Variants in SLC35F1 observed in about 807,000 individuals in gnomAD.
The protein encoded by SLC35F1 is chromosome 6 open reading frame 169.
A neutral mutation model predicts 48.7 loss-of-function variants in SLC35F1; 14 were observed. The observed-to-expected ratio is 0.29, with a 90% CI of 0.19 to 0.45. The LOEUF is 0.45. Among genes scored for constraint, SLC35F1 ranks in the 20% least tolerant of loss-of-function variants. The pLI is 1.00. For missense variants in SLC35F1, 404 were observed against 500.0 expected (o/e 0.81, Z 1.83); for synonymous variants, 190 against 202.2 (o/e 0.94, Z 0.51).
intron 6 of SLC35F1, among the ~76,000 whole-genome samples, chr6:118,281,200 C>CTATATATA (rs756821926): frequency 1.9e-3 from 223 of 119,976 alleles, no homozygotes; most frequent in South Asian, 5.7e-3. Context: ...CTCTCTCTCT[C>CTATATATA]TCTCTATATA....
At chr6:117,948,982 A>G (rs1262494639) in intron 1 of SLC35F1, among the ~76,000 whole-genome samples, 1 of 152,166 alleles carries the variant, frequency 6.6e-6, no homozygotes, top group Admixed American at 6.6e-5. Context: ...GGTGGATAAA[A>G]TCAGAAGGGT....
At position 117,923,729 on chromosome 6, in the gene SLC35F1, A is replaced by ATATGTATATATACACG. The variant is rs1554216736; in HGVS notation, c.173+15831_173+15832insATGTATATATACACGT. 2.2e-3 allele frequency among the ~76,000 whole-genome samples: 202 copies of ATATGTATATATACACG among 89,928 alleles called. 32 individuals are homozygous for ATATGTATATATACACG. The highest frequency in any genetic ancestry group is 5.4e-3 in the African/African-American group (121 of 22,516). The allele number at this position is 89,928 out of a possible 152,430, so 59.0% of individuals were successfully genotyped here. On this transcript the variant is annotated intron_variant, in intron 1 of 7. Coordinates refer to ENST00000360388, the MANE Select transcript of SLC35F1 (RefSeq NM_001029858.4). ...TATGTACATATATACATATATACAT[A>ATATGTATATATACACG]TGTATATATACATATATGTACATAT...
At chr6:118,198,997 C>T (rs1465589543) in intron 2 of SLC35F1, among the ~76,000 whole-genome samples, 1 of 152,154 alleles carries the variant, frequency 6.6e-6, no homozygotes, top group Non-Finnish European at 1.5e-5. Context: ...GCCAGTCCCC[C>T]AAGCCTGGGA....
intron 1 of SLC35F1, among the ~76,000 whole-genome samples, chr6:118,038,802 T>G (rs1253868448): frequency 6.6e-6 from 1 of 151,994 alleles, no homozygotes; most frequent in Non-Finnish European, 1.5e-5. Context: ...TTAATTTTTT[T>G]GTAGATACAA....
intron 7 of SLC35F1, among the ~76,000 whole-genome samples, chr6:118,313,234 CA>C (rs1382208832): frequency 2.6e-5 from 4 of 152,184 alleles, no homozygotes; most frequent in African/African-American, 7.2e-5. Flanking sequence ...ACTCTTTCCC[CA>C]GTAACTACTG....
intron 2 of SLC35F1, among the ~76,000 whole-genome samples, chr6:118,177,329 C>T (rs903351861): frequency 6.6e-6 from 1 of 152,114 alleles, no homozygotes; most frequent in Non-Finnish European, 1.5e-5. Flanking sequence ...CTGAGCAAGC[C>T]TCCCTATCCT....
chr6:118,299,099 A>G (rs1776226913), intron 7 of SLC35F1, among the ~76,000 whole-genome samples: 1 of 152,200 alleles, frequency 6.6e-6, no homozygotes, highest in Non-Finnish European at 1.5e-5. Context: ...GAGGATCACT[A>G]CAGCCTGGGG....
At chr6:118,313,747 A>G (rs1211386592) in intron 7 of SLC35F1, among the ~76,000 whole-genome samples, 1 of 152,178 alleles carries the variant, frequency 6.6e-6, no homozygotes, top group Non-Finnish European at 1.5e-5. Flanking sequence ...ATTTGTGCTT[A>G]ACTAGTTCTC....
chr6:118,069,859 GGGCGCGGT>G (rs1267980662), intron 1 of SLC35F1, among the ~76,000 whole-genome samples: 1 of 152,126 alleles, frequency 6.6e-6, no homozygotes, highest in African/African-American at 2.4e-5. Context: ...CATTTAGGCC[GGGCGCGGT>G]GGCTCACGCC....
intron 2 of SLC35F1, among the ~76,000 whole-genome samples, chr6:118,167,348 T>G (rs940344306): frequency 2.0e-5 from 3 of 152,182 alleles, no homozygotes; most frequent in Non-Finnish European, 4.4e-5. Context: ...CGTCTTTAGG[T>G]GATTTCGTCA....
chr6:118,106,488 C>T (rs540003256), intron 1 of SLC35F1, among the ~76,000 whole-genome samples: 1 of 152,300 alleles, frequency 6.6e-6, no homozygotes, highest in East Asian at 1.9e-4. Flanking sequence ...CCTGTTGGCT[C>T]TACAGCCACT....
At chr6:117,953,287 C>G (rs901726590) in intron 1 of SLC35F1, among the ~76,000 whole-genome samples, 8 of 152,146 alleles carry the variant, frequency 5.3e-5, no homozygotes, top group African/African-American at 1.9e-4. Context: ...CCTTTACTTT[C>G]TTGTGGTTAT....
intron 1 of SLC35F1, among the ~76,000 whole-genome samples, chr6:118,042,287 T>C (rs1168318932): frequency 1.3e-5 from 2 of 152,172 alleles, no homozygotes; most frequent in Non-Finnish European, 2.9e-5. Flanking sequence ...AAGATAGCCA[T>C]ATGTGAGCAG....
chr6:118,148,012 G>A (rs1173466467), intron 1 of SLC35F1, among the ~76,000 whole-genome samples: 1 of 152,152 alleles, frequency 6.6e-6, no homozygotes, highest in Non-Finnish European at 1.5e-5. Context: ...AGAGCTTATA[G>A]AAGTCAATGG....
intron 1 of SLC35F1, among the ~76,000 whole-genome samples, chr6:118,032,256 A>G (rs1772064899): frequency 6.6e-6 from 1 of 152,148 alleles, no homozygotes; most frequent in African/African-American, 2.4e-5. Flanking sequence ...ATTTTTTTAA[A>G]GCAGAAAAAA....
chr6:117,939,003 T>C (rs1186495490), intron 1 of SLC35F1, among the ~76,000 whole-genome samples: 1 of 137,418 alleles, frequency 7.3e-6, no homozygotes, highest in Non-Finnish European at 1.5e-5. Flanking sequence ...GCTTGAATTC[T>C]TGTTCTTTTT....
intron 2 of SLC35F1, among the ~76,000 whole-genome samples, chr6:118,171,612 C>G (rs1332650440): frequency 1.3e-5 from 2 of 152,148 alleles, no homozygotes; most frequent in African/African-American, 4.8e-5. Context: ...TCAAGAGTAC[C>G]TATTTCCCCA....
At chr6:118,076,492 G>T (rs2114311011) in intron 1 of SLC35F1, among the ~76,000 whole-genome samples, 1 of 152,288 alleles carries the variant, frequency 6.6e-6, no homozygotes, top group Non-Finnish European at 1.5e-5. Context: ...AGAAGGCAAA[G>T]AGGAAGCAAG....
chr6:118,154,596 A>C lies in SLC35F1; in HGVS notation c.325A>C (p.Thr109Pro), dbSNP rs1582698577. 6.2e-7 allele frequency: 1 copy of C among 1,612,794 alleles called. No homozygotes were observed. Among genetic ancestry groups the C allele is most frequent in the African/African-American group, 1.3e-5 (1 of 74,982 alleles). ...LNYILLFLVY[T>P]TTLAVRQGEE... ...TTACATTCTTCTCTTCTTGGTCTAT[A>C]CCACCACACTAGCCGTCAGACAAGG... The change falls in exon 2 of 8, where the codon ACC (threonine) becomes CCC (proline). Residue 109 changes from threonine (T) to proline (P), a missense_variant. Transcript: ENST00000360388.
Sources: allele counts gnomAD v4.1 joint callset (sites outside exome capture counted in the v4.1 genomes callset), GRCh38; gene constraint gnomAD v4.1.1; transcripts MANE v1.5; gene names NCBI Gene and HGNC (gene_info 2026-07-23, HGNC 2026-07-21).